The following UNC45A variants were observed in gnomAD, a reference collection of about 807,000 sequenced individuals.
UNC45A encodes protein unc-45 homolog A.
In UNC45A, 78 loss-of-function variants were observed where a neutral mutation model predicts 103.2. That is an observed-to-expected ratio of 0.76 (90% CI 0.63 to 0.91). The LOEUF is 0.91. UNC45A is among the 40% of genes least tolerant of loss of function. The pLI is 0.00. For synonymous variants in UNC45A, 495 were observed against 504.6 expected (o/e 0.98, Z 0.25); for missense variants, 1,193 against 1,224.8 (o/e 0.97, Z 0.39).
chr15:90,938,321 G>A (rs141862982), intron 4 of UNC45A, among the ~76,000 whole-genome samples: 2 of 152,046 alleles, frequency 1.3e-5, no homozygotes, highest in African/African-American at 4.8e-5. Flanking sequence ...CTACAACCAA[G>A]CTCAAATTCG....
At chr15:90,939,710 A>G (rs1380174666) in intron 4 of UNC45A, 21 bp from the exon 5 acceptor site, 12 of 1,613,632 alleles carry the variant, frequency 7.4e-6, no homozygotes, top group Admixed American at 3.3e-5. Context: ...GATTTGTTCC[A>G]TGCTTTGTTG....
chr15:90,936,076 G>A, intron 3 of UNC45A, 94 bp downstream of exon 3: 1 of 1,578,310 alleles, frequency 6.3e-7, no homozygotes, highest in Non-Finnish European at 8.6e-7. Flanking sequence ...TCCTCCTTTG[G>A]CCCCAGAGAC....
chr15:90,934,708 G>GGA, upstream of UNC45A: 1 of 398,222 alleles, frequency 2.5e-6, no homozygotes. Context: ...CAATTACAAA[G>GGA]GAGAAGTTCA....
chr15:90,944,905 T>C lies in UNC45A; in HGVS notation c.1041T>C (p.Ile347=), dbSNP rs1254430779. 1 of 1,612,010 alleles carries C rather than the reference T, an allele frequency of 6.2e-7. No individual in the cohort carries two copies. The highest frequency in any genetic ancestry group is 1.1e-5 in the South Asian group (1 of 90,980). Reference sequence around the variant, plus strand: ...GTGTCTTTACAGGTCTGAAAAAGATTTTGGAAGTGGGGGGCTCTCTACAGG... The same window carrying C: ...GTGTCTTTACAGGTCTGAAAAAGATCTTGGAAGTGGGGGGCTCTCTACAGG... ...LWVIDQGLKK[I]LEVGGSLQDP... The change falls in exon 9 of 20, where the codon ATT becomes ATC. Residue 347 remains isoleucine, a synonymous_variant. Coordinates refer to ENST00000418476, the MANE Select transcript of UNC45A (RefSeq NM_018671.5).
chr15:90,932,495 C>T, upstream of UNC45A: 1 of 1,310,900 alleles, frequency 7.6e-7, no homozygotes, highest in South Asian at 2.3e-5. Context: ...TGCTTGCGAG[C>T]CGCGAAGTCG....
chr15:90,938,985 A>T (rs1229891061), intron 4 of UNC45A, among the ~76,000 whole-genome samples: 1 of 150,728 alleles, frequency 6.6e-6, no homozygotes, highest in Non-Finnish European at 1.5e-5. Context: ...GATTTTATTT[A>T]TTTATTTTTT....
chr15:90,942,642 C>T (rs751900960), intron 7 of UNC45A, 37 bp downstream of exon 7: 3 of 1,613,690 alleles, frequency 1.9e-6, no homozygotes, highest in Non-Finnish European at 2.5e-6. Flanking sequence ...TTGGACGTTA[C>T]TGTCATGGAA....
upstream of UNC45A, chr15:90,934,331 C>G: frequency 2.5e-6 from 1 of 399,188 alleles, no homozygotes; most frequent in South Asian, 1.3e-4. Context: ...CCCCACCTCT[C>G]TCTTCAGCTC....
chr15:90,945,237 G>A lies in UNC45A; in HGVS notation c.1199+174G>A, dbSNP rs565348563. On this transcript the variant is annotated intron_variant, in intron 9 of 19. Transcript: ENST00000418476. ...AAGGCCCACTTCCTGCTCCAAAGTG[G>A]CCTCCGCAGGGAGGTTCTTTCTCAA... Among the ~76,000 whole-genome samples, 174 of 152,314 alleles carry A rather than the reference G, an allele frequency of 1.1e-3. 1 individual carries two copies. Among genetic ancestry groups the A allele is most frequent in the African/African-American group, 4.1e-3 (170 of 41,570 alleles).
At chr15:90,944,751 C>A in intron 8 of UNC45A, 141 bp from the exon 9 acceptor site, 2 of 995,804 alleles carry the variant, frequency 2.0e-6, no homozygotes, top group Non-Finnish European at 1.4e-6. Context: ...TAAGCAGATT[C>A]TCCGGGCTGC....
Position 90,950,596 on chromosome 15 carries a change from G to A in UNC45A, c.2284G>A (p.Gly762Arg). ...GCTCATGGCCCTAACAAACCTGGCT[G>A]GGATCAGCGAGAGGCTCCGGTAAGG... ...EALMALTNLA[G>R]ISERLRQKIL... Residue 762 changes from glycine to arginine, a missense_variant, in exon 17 of 20, where the codon GGG (glycine) becomes AGG (arginine). By Grantham distance (125) the Gly-to-Arg change is moderately radical. Coordinates refer to ENST00000418476, the MANE Select transcript of UNC45A (RefSeq NM_018671.5). 1 of 1,614,156 alleles carries A rather than the reference G, an allele frequency of 6.2e-7. No homozygotes were observed. The highest frequency in any genetic ancestry group is 8.5e-7 in the Non-Finnish European group (1 of 1,180,014).
At position 90,946,882 on chromosome 15, in the gene UNC45A, G is replaced by C; in HGVS notation, c.1468G>C (p.Glu490Gln). ...GCTGAAGGACCTATATAAGTGCAGC[G>C]AGAAGGACAGCATCCGCATCCGGGC... is the stretch of plus-strand genomic sequence containing the variant. ...SLLKDLYKCSEKDSIRIRALV... is the reference protein window; with the variant it reads ...SLLKDLYKCSQKDSIRIRALV... Residue 490 changes from glutamate (E) to glutamine (Q), a missense_variant, in exon 10 of 20, where the codon GAG (glutamate) becomes CAG (glutamine). Physicochemically the swap from Glu to Gln is conservative, Grantham distance 29. Coordinates refer to ENST00000418476, the MANE Select transcript of UNC45A (RefSeq NM_018671.5). The C allele has an allele frequency of 6.6e-7, 1 of 1,504,496 alleles. No individual in the cohort carries two copies. The highest frequency in any genetic ancestry group is 9.0e-7 in the Non-Finnish European group (1 of 1,109,946). 93.2% of individuals were successfully genotyped at this position (1,504,496 alleles called of 1,614,324 possible).
At chr15:90,936,170 G>A in intron 3 of UNC45A, 115 bp from the exon 4 acceptor site, 2 of 1,521,242 alleles carry the variant, frequency 1.3e-6, no homozygotes, top group Non-Finnish European at 1.8e-6. Flanking sequence ...GAAGCACCGA[G>A]CCCCACATTC....
At position 90,935,338 on chromosome 15, in the gene UNC45A, G is replaced by C. The variant is rs747092893; in HGVS notation, c.14G>C (p.Gly5Ala). The change falls in exon 1 of 20, where the codon GGT becomes GCT. Residue 5 changes from glycine to alanine, a missense_variant. Transcript: ENST00000418476. ...AACCTCTCCGCGATGACTGTGAGTG[G>C]TCCAGGGACCCCCGAGCCCCGGCCG... MTVS[G>A]PGTPEPRPAT... The C allele has an allele frequency of 4.4e-6, 7 of 1,604,710 alleles. No individual in the cohort carries two copies. The South Asian group carries it at 7.7e-5, about 18-fold the overall frequency.
At chr15:90,935,491 C>G in intron 1 of UNC45A, 53 bp from the exon 2 acceptor site, 1 of 1,573,114 alleles carries the variant, frequency 6.4e-7, no homozygotes, top group Non-Finnish European at 8.6e-7. Context: ...CCCTTAGCTC[C>G]CGGGCTCTGC....
upstream of UNC45A, chr15:90,932,411 C>T (rs1010225787): frequency 3.8e-6 from 5 of 1,321,282 alleles, no homozygotes; most frequent in Non-Finnish European, 4.9e-6. Context: ...GCCGGCGCTC[C>T]GCGGCCGACG....
chr15:90,933,015 A>T (rs1012018072), upstream of UNC45A: 1 of 153,406 alleles, frequency 6.5e-6, no homozygotes, highest in Non-Finnish European at 1.5e-5. Context: ...TGTTCTAAAA[A>T]TAGTTCTCCC....
At position 90,949,682 on chromosome 15, in the gene UNC45A, G is replaced by A. The variant is rs1254979168; in HGVS notation, c.2035G>A (p.Glu679Lys). Residue 679 changes from glutamate (E) to lysine (K), a missense_variant, in exon 15 of 20, where the codon GAG becomes AAG. Physicochemically the swap from Glu to Lys is moderately conservative, Grantham distance 56 (BLOSUM62 1). Transcript: ENST00000418476. Reference sequence around the variant, plus strand: ...CTTCTTGGCTTTAGTGGAAGAGGTAGAGGACCGAGGCACTGTGGTTGCCCA... The same window carrying A: ...CTTCTTGGCTTTAGTGGAAGAGGTAAAGGACCGAGGCACTGTGGTTGCCCA... Reference protein sequence around the residue: ...RVFLALVEEVEDRGTVVAQGG... With the variant: ...RVFLALVEEVKDRGTVVAQGG... 6.2e-7 allele frequency: 1 copy of A among 1,614,080 alleles called. No homozygotes were observed. Among genetic ancestry groups the A allele is most frequent in the Admixed American group, 1.7e-5 (1 of 60,002 alleles).
In UNC45A at chr15:90,935,531, T is replaced by A; in HGVS notation, c.52-13T>A. On this transcript the variant is annotated splice_polypyrimidine_tract_variant and intron_variant, in intron 1 of 19. Coordinates refer to ENST00000418476, the MANE Select transcript of UNC45A (RefSeq NM_018671.5). ...AACCCCCTCCGACGTTTCCGCCCCC[T>A]TTCTCTCTACAGGCCAGCTCAGTGG... The A allele has an allele frequency of 5.1e-6, 8 of 1,583,812 alleles. No individual in the cohort carries two copies. The highest frequency in any genetic ancestry group is 6.9e-6 in the Non-Finnish European group (8 of 1,163,596).
Sources: gnomAD v4.1 joint callset for allele counts (sites outside exome capture counted in the v4.1 genomes callset) on GRCh38, gnomAD v4.1.1 for gene constraint, MANE v1.5 for transcripts, NCBI Gene and HGNC (gene_info 2026-07-23, HGNC 2026-07-21) for gene names.